Variants in PLXNA4 observed in about 807,000 individuals in gnomAD.
The protein encoded by PLXNA4 is plexin A4, also known as plexin-A4.
PLXNA4 carries 44 observed loss-of-function variants against 191.8 expected under a neutral mutation model. The ratio of observed to expected loss-of-function variants is 0.23; its 90% CI spans 0.18 to 0.29. The LOEUF (loss-of-function observed/expected upper bound fraction) is 0.29. Among genes scored for constraint, PLXNA4 ranks in the 10% least tolerant of loss-of-function variants. The pLI is 1.00. For synonymous variants in PLXNA4, 1,082 were observed against 1,009.5 expected, an observed-to-expected ratio of 1.07 and a Z score of -1.36; for missense variants, 1,800 against 2,488.8, an observed-to-expected ratio of 0.72 and a Z score of 5.89.
At chr7:132,428,953 G>C (rs1795157459) in intron 3 of PLXNA4, among the ~76,000 whole-genome samples, 1 of 152,138 alleles carries the variant, frequency 6.6e-6, no homozygotes, top group Non-Finnish European at 1.5e-5. Flanking sequence ...GGGTGCAAGG[G>C]CTTAGACCCT....
At chr7:132,324,327 T>C (rs1167719350) in intron 3 of PLXNA4, among the ~76,000 whole-genome samples, 1 of 152,242 alleles carries the variant, frequency 6.6e-6, no homozygotes, top group Non-Finnish European at 1.5e-5. Flanking sequence ...ATATTTTGTG[T>C]TTACTTATTG....
intron 9 of PLXNA4, among the ~76,000 whole-genome samples, chr7:132,213,547 C>T (rs1382417381): frequency 2.0e-5 from 3 of 152,158 alleles, no homozygotes; most frequent in Non-Finnish European, 4.4e-5. Flanking sequence ...GTCTTAGCAG[C>T]TCCATCCTGT....
intron 1 of PLXNA4, among the ~76,000 whole-genome samples, chr7:132,563,515 TGCTGC>T (rs1801479924): frequency 2.4e-5 from 1 of 42,276 alleles, no homozygotes; most frequent in African/African-American, 4.7e-5. Flanking sequence ...CTCCTCCTCC[TGCTGC>T]TCCTCCTCCT....
intron 2 of PLXNA4, among the ~76,000 whole-genome samples, chr7:132,628,687 C>T (rs754591937): frequency 6.6e-6 from 1 of 152,030 alleles, no homozygotes; most frequent in Non-Finnish European, 1.5e-5. Context: ...CTAGACTTTC[C>T]TCAACTCTGT....
At chr7:132,148,086 A>T in intron 26 of PLXNA4, 87 bp from the exon 27 acceptor site, 3 of 1,599,332 alleles carry the variant, frequency 1.9e-6, no homozygotes, top group South Asian at 2.2e-5. Context: ...CTTGGCACTA[A>T]GGGGAAATTG....
At chr7:132,163,577 A>T (rs1050674696) in intron 24 of PLXNA4, among the ~76,000 whole-genome samples, 3 of 152,142 alleles carry the variant, frequency 2.0e-5, no homozygotes, top group Non-Finnish European at 4.4e-5. Flanking sequence ...CTCCTAGGGT[A>T]GCTGTTTTTG....
At chr7:132,597,853 C>A (rs1337557247) in intron 2 of PLXNA4, among the ~76,000 whole-genome samples, 1 of 59,686 alleles carries the variant, frequency 1.7e-5, no homozygotes, top group Non-Finnish European at 5.1e-5. Flanking sequence ...CTCTCTCTCT[C>A]TCTCTCTATA....
At chr7:132,465,160 GGGT>G (rs1434729545) in intron 3 of PLXNA4, among the ~76,000 whole-genome samples, 7 of 152,002 alleles carry the variant, frequency 4.6e-5, no homozygotes, top group South Asian at 2.1e-4. Context: ...CCCATAGATA[GGGT>G]GATTTCACGA....
At chr7:132,268,038 A>T (rs1038476509) in intron 4 of PLXNA4, among the ~76,000 whole-genome samples, 12 of 152,222 alleles carry the variant, frequency 7.9e-5, no homozygotes, top group Admixed American at 2.6e-4. Flanking sequence ...TAATATAATT[A>T]AAACAAGATA....
chr7:132,347,376 C>A (rs562077710), intron 3 of PLXNA4, among the ~76,000 whole-genome samples: 1 of 152,120 alleles, frequency 6.6e-6, no homozygotes, highest in East Asian at 1.9e-4. Flanking sequence ...AAGCAAGACA[C>A]GAAAGGAGGG....
chr7:132,323,644 G>A (rs1802260564), intron 3 of PLXNA4, among the ~76,000 whole-genome samples: 1 of 152,178 alleles, frequency 6.6e-6, no homozygotes, highest in Admixed American at 6.5e-5. Context: ...CAGGCCATGG[G>A]TGAATGTTCC....
intron 3 of PLXNA4, among the ~76,000 whole-genome samples, chr7:132,450,665 T>C (rs1796086084): frequency 6.6e-6 from 1 of 152,210 alleles, no homozygotes; most frequent in Non-Finnish European, 1.5e-5. Flanking sequence ...TCCAGAATTC[T>C]TGGAGCAGAG....
chr7:132,177,067 A>C (rs1439734708), intron 20 of PLXNA4, among the ~76,000 whole-genome samples: 1 of 151,852 alleles, frequency 6.6e-6, no homozygotes, highest in Non-Finnish European at 1.5e-5. Context: ...ATGTGAGTAC[A>C]TGAGCGTGTG....
At chr7:132,300,820 G>C (rs993886052) in intron 3 of PLXNA4, among the ~76,000 whole-genome samples, 3 of 152,250 alleles carry the variant, frequency 2.0e-5, no homozygotes, top group African/African-American at 7.2e-5. Flanking sequence ...CCGTCGGCCA[G>C]AGCAGGGTCC....
At chr7:132,148,042 G>A (rs1209132497) in intron 26 of PLXNA4, 43 bp from the exon 27 acceptor site, 4 of 1,613,596 alleles carry the variant, frequency 2.5e-6, no homozygotes, top group Non-Finnish European at 3.4e-6. Flanking sequence ...CAGCAGCTCT[G>A]CCACTCCAGG....
chr7:132,240,844 C>G (rs907855564), intron 5 of PLXNA4, among the ~76,000 whole-genome samples: 18 of 152,046 alleles, frequency 1.2e-4, no homozygotes, highest in African/African-American at 4.4e-4. Context: ...TCCCATGCCA[C>G]CGTTGCCATA....
chr7:132,628,941 A>G (rs962767900), intron 2 of PLXNA4, among the ~76,000 whole-genome samples: 2 of 152,236 alleles, frequency 1.3e-5, no homozygotes, highest in Non-Finnish European at 2.9e-5. Flanking sequence ...CATGTTAAAA[A>G]TATTTCTTCA....
intron 12 of PLXNA4, among the ~76,000 whole-genome samples, chr7:132,199,685 C>T (rs923781385): frequency 2.6e-5 from 4 of 152,172 alleles, no homozygotes; most frequent in African/African-American, 7.2e-5. Flanking sequence ...TCTCCTCAAC[C>T]CTGCAGGGCC....
intron 3 of PLXNA4, among the ~76,000 whole-genome samples, chr7:132,453,186 T>C (rs900728130): frequency 6.6e-6 from 1 of 152,076 alleles, no homozygotes; most frequent in Non-Finnish European, 1.5e-5. Flanking sequence ...AGGGAGAGGA[T>C]GGAAGCAGGT....
Sources: allele counts gnomAD v4.1 joint callset (sites outside exome capture counted in the v4.1 genomes callset), GRCh38; gene constraint gnomAD v4.1.1; transcripts MANE v1.5; gene names NCBI Gene and HGNC (gene_info 2026-07-23, HGNC 2026-07-21).